The following CSNK2A2IP variants were observed in gnomAD, a reference collection of about 807,000 sequenced individuals.
CSNK2A2IP encodes casein kinase 2 subunit alpha' interacting protein, also known as casein kinase II subunit alpha'-interacting protein.
the CSNK2A2IP span, among the ~76,000 whole-genome samples, chr3:88,416,415 T>G: frequency 6.6e-6 from 1 of 152,176 alleles, no homozygotes; most frequent in Non-Finnish European, 1.5e-5. Context: ...GTCAAGATGT[T>G]CCCTACAGAT....
the CSNK2A2IP span, among the ~76,000 whole-genome samples, chr3:88,396,395 G>A: frequency 1.3e-5 from 2 of 152,008 alleles, no homozygotes; most frequent in Non-Finnish European, 2.9e-5. Context: ...GTGAGCCACC[G>A]CGCCCGGCCG....
chr3:88,414,270 GTTTTTTTTT>G, the CSNK2A2IP span, among the ~76,000 whole-genome samples: 1 of 64,106 alleles, frequency 1.6e-5, no homozygotes, highest in East Asian at 5.2e-4. Flanking sequence ...TACCAACAAA[GTTTTTTTTT>G]TTTTTTTTTT....
At chr3:88,418,357 C>T in the CSNK2A2IP span, among the ~76,000 whole-genome samples, 1 of 152,066 alleles carries the variant, frequency 6.6e-6, no homozygotes, top group Non-Finnish European at 1.5e-5. Flanking sequence ...GCACTCTCCA[C>T]ACAAGAGTAA....
chr3:88,352,276 A>C, the CSNK2A2IP span, among the ~76,000 whole-genome samples: 10 of 152,152 alleles, frequency 6.6e-5, no homozygotes, highest in Non-Finnish European at 1.5e-4. Context: ...ACATTGGTGA[A>C]GGCAATTTTG....
the CSNK2A2IP span, among the ~76,000 whole-genome samples, chr3:88,372,765 A>G: frequency 6.6e-6 from 1 of 151,522 alleles, no homozygotes; most frequent in Non-Finnish European, 1.5e-5. Context: ...TTTTAAATAT[A>G]AGTATGTTGA....
At chr3:88,370,678 AG>A in the CSNK2A2IP span, among the ~76,000 whole-genome samples, 2 of 150,114 alleles carry the variant, frequency 1.3e-5, no homozygotes, top group East Asian at 2.0e-4. Flanking sequence ...AAAAAACACA[AG>A]TAAATCCATT....
At chr3:88,452,114 C>T in the CSNK2A2IP span, among the ~76,000 whole-genome samples, 7 of 151,838 alleles carry the variant, frequency 4.6e-5, no homozygotes, top group Admixed American at 4.6e-4. Flanking sequence ...TGTTTCATAC[C>T]ATGTCAGGTT....
At chr3:88,449,854 C>CACACACACACATATATATATATATAT in the CSNK2A2IP span, among the ~76,000 whole-genome samples, 1 of 84,360 alleles carries the variant, frequency 1.2e-5, no homozygotes, top group African/African-American at 4.0e-5. Flanking sequence ...CACACACACA[C>CACACACACACATATATATATATATAT]ATATATATAT....
chr3:88,466,121 T>G, the CSNK2A2IP span: 10 of 1,231,604 alleles, frequency 8.1e-6, no homozygotes, highest in Non-Finnish European at 1.0e-5. Context: ...ACAAGTGACT[T>G]ATTTTGGACA....
the CSNK2A2IP span, among the ~76,000 whole-genome samples, chr3:88,357,446 C>T: frequency 6.6e-6 from 1 of 151,942 alleles, no homozygotes; most frequent in African/African-American, 2.4e-5. Context: ...TTTGTGTCTG[C>T]TTTTGTGCCA....
At chr3:88,354,098 C>T in the CSNK2A2IP span, among the ~76,000 whole-genome samples, 1 of 152,178 alleles carries the variant, frequency 6.6e-6, no homozygotes, top group African/African-American at 2.4e-5. Flanking sequence ...ATCCTGCTCT[C>T]CATCTTTCAT....
At chr3:88,394,973 C>A in the CSNK2A2IP span, among the ~76,000 whole-genome samples, 1 of 152,082 alleles carries the variant, frequency 6.6e-6, no homozygotes, top group Non-Finnish European at 1.5e-5. Context: ...AACTACAAAC[C>A]CCGGTGACAC....
the CSNK2A2IP span, among the ~76,000 whole-genome samples, chr3:88,424,962 T>C: frequency 6.6e-6 from 1 of 152,116 alleles, no homozygotes; most frequent in Non-Finnish European, 1.5e-5. Context: ...GATTTTGGTT[T>C]CAAACTCATG....
the CSNK2A2IP span, among the ~76,000 whole-genome samples, chr3:88,415,349 T>C: frequency 4.6e-5 from 7 of 152,160 alleles, no homozygotes; most frequent in East Asian, 1.4e-3. Context: ...TTTAGAATTA[T>C]TTGAGGGTGT....
the CSNK2A2IP span, among the ~76,000 whole-genome samples, chr3:88,426,894 G>T: frequency 6.6e-6 from 1 of 151,708 alleles, no homozygotes. Flanking sequence ...GGGGATGGGG[G>T]GGGGCGGTGG....
the CSNK2A2IP span, among the ~76,000 whole-genome samples, chr3:88,455,801 T>A: frequency 1.3e-5 from 2 of 152,024 alleles, no homozygotes; most frequent in African/African-American, 4.8e-5. Flanking sequence ...AGATTTTTTC[T>A]ATGTATTTTT....
the CSNK2A2IP span, among the ~76,000 whole-genome samples, chr3:88,445,916 C>T: frequency 2.5e-3 from 374 of 147,028 alleles, no homozygotes; most frequent in African/African-American, 9.6e-3. Flanking sequence ...TCTTCTTTCT[C>T]TCTTTCTTTC....
the CSNK2A2IP span, among the ~76,000 whole-genome samples, chr3:88,437,821 A>T: frequency 1.3e-5 from 2 of 151,876 alleles, no homozygotes; most frequent in Non-Finnish European, 2.9e-5. Context: ...TTCCATTCCT[A>T]CTCCCACCAT....
At chr3:88,463,130 T>C in the CSNK2A2IP span, among the ~76,000 whole-genome samples, 980 of 152,266 alleles carry the variant, frequency 6.4e-3, 5 homozygotes, top group South Asian at 0.011. Flanking sequence ...AATAAATTTG[T>C]CCATCAGAAT....
Sources: gnomAD v4.1 joint callset for allele counts (sites outside exome capture counted in the v4.1 genomes callset) on GRCh38, gnomAD v4.1.1 for gene constraint, MANE v1.5 for transcripts, NCBI Gene and HGNC (gene_info 2026-07-23, HGNC 2026-07-21) for gene names.